ANKS1B: variants seen among roughly 807,000 people sequenced by gnomAD.
The protein encoded by ANKS1B is ankyrin repeat and sterile alpha motif domain containing 1B.
A neutral mutation model predicts 148.3 loss-of-function variants in ANKS1B; 36 were observed. The observed-to-expected ratio is 0.24, with a 90% CI of 0.19 to 0.32. The LOEUF is 0.32. ANKS1B is among the 10% of genes least tolerant of loss of function. The pLI is 1.00. For missense variants in ANKS1B, 1,157 were observed against 1,542.6 expected, an observed-to-expected ratio of 0.75 and a Z score of 4.19; for synonymous variants, 542 against 560.8, an observed-to-expected ratio of 0.97 and a Z score of 0.47.
At chr12:99,388,583 C>T (rs972932306) in intron 12 of ANKS1B, among the ~76,000 whole-genome samples, 2 of 152,216 alleles carry the variant, frequency 1.3e-5, no homozygotes, top group South Asian at 4.2e-4. Flanking sequence ...TATGGCACAA[C>T]GAACTTAGTG....
chr12:99,790,869 C>CA (rs1201438145), intron 4 of ANKS1B, among the ~76,000 whole-genome samples: 2 of 150,972 alleles, frequency 1.3e-5, no homozygotes, highest in Admixed American at 1.3e-4. Context: ...AGCAGACCGC[C>CA]AAAAAAAGAG....
rs780690613 is a variant in ANKS1B at position 99,246,611 on chromosome 12, A to G, written c.2010T>C (p.Ser670=). ...TGCTTTTTTTGTGAAAAATTGTTCTACTGACCACTTTGGGTTTAATTTTCT... is the reference window on the plus strand; with the variant it reads ...TGCTTTTTTTGTGAAAAATTGTTCTGCTGACCACTTTGGGTTTAATTTTCT... ...LVKKIKPKVV[S]RTIFHKKSNQ... is the part of the protein sequence containing the mutation. The change falls in exon 13 of 27, where the codon AGT becomes AGC. Residue 670 remains serine, a synonymous_variant. Transcript: ENST00000683438. 6 of 1,613,380 alleles carry G rather than the reference A, an allele frequency of 3.7e-6. No individual in the cohort carries two copies. The highest frequency in any genetic ancestry group is 5.1e-6 in the Non-Finnish European group (6 of 1,179,660).
chr12:99,122,128 T>C (rs560883255), intron 15 of ANKS1B, among the ~76,000 whole-genome samples: 1 of 152,268 alleles, frequency 6.6e-6, no homozygotes, highest in Admixed American at 6.5e-5. Flanking sequence ...CCTTAAGCCT[T>C]AGGCAAAATG....
At position 98,744,142 on chromosome 12, in the gene ANKS1B, T is replaced by G; in HGVS notation, c.*1597A>C. ...TATACAATTGCCTCCTGGTACCATA[T>G]TTTAGTGTTATTTAACTCTCATTTT... On this transcript the variant is annotated 3_prime_UTR_variant, in exon 27 of 27. Coordinates refer to ENST00000683438, the MANE Select transcript of ANKS1B (RefSeq NM_001352186.2). The G allele has an allele frequency of 1.0e-5, 10 of 985,740 alleles. No homozygotes were observed. Among genetic ancestry groups the G allele is most frequent in the Non-Finnish European group, 1.2e-5 (10 of 829,818 alleles). 61.1% of individuals were successfully genotyped at this position (985,740 alleles called of 1,614,324 possible).
intron 9 of ANKS1B, among the ~76,000 whole-genome samples, chr12:99,640,829 T>G (rs904930716): frequency 6.6e-6 from 1 of 152,210 alleles, no homozygotes; most frequent in Admixed American, 6.5e-5. Flanking sequence ...TTGCAAACTA[T>G]TCTACAGGAA....
intron 9 of ANKS1B, among the ~76,000 whole-genome samples, chr12:99,642,445 T>C (rs1461042200): frequency 6.6e-6 from 1 of 152,200 alleles, no homozygotes; most frequent in Non-Finnish European, 1.5e-5. Flanking sequence ...CTGACAGTTA[T>C]TGGGATCAAA....
chr12:99,057,569 G>T (rs531855529), intron 16 of ANKS1B, among the ~76,000 whole-genome samples: 1 of 152,222 alleles, frequency 6.6e-6, no homozygotes, highest in African/African-American at 2.4e-5. Context: ...ATCTAACGAG[G>T]TCACTCAAGT....
At chr12:99,179,878 C>T (rs560327726) in intron 14 of ANKS1B, among the ~76,000 whole-genome samples, 2 of 152,276 alleles carry the variant, frequency 1.3e-5, no homozygotes, top group East Asian at 1.9e-4. Flanking sequence ...TTATTAGTAT[C>T]ATCAAAATTA....
chr12:99,734,275 T>C (rs2059422001), intron 8 of ANKS1B, among the ~76,000 whole-genome samples: 1 of 152,140 alleles, frequency 6.6e-6, no homozygotes, highest in Non-Finnish European at 1.5e-5. Context: ...TTCCTTTTTT[T>C]CTCTCTACTA....
intron 17 of ANKS1B, among the ~76,000 whole-genome samples, chr12:99,046,418 G>C (rs1387858096): frequency 6.6e-6 from 1 of 152,196 alleles, no homozygotes; most frequent in Non-Finnish European, 1.5e-5. Flanking sequence ...AGAAGACAAA[G>C]ATATTAAACC....
chr12:99,060,373 C>T (rs1212271390), intron 16 of ANKS1B, among the ~76,000 whole-genome samples: 5 of 151,938 alleles, frequency 3.3e-5, no homozygotes, highest in Non-Finnish European at 7.4e-5. Context: ...TTGAGGGGGT[C>T]AGCTACGGGG....
chr12:99,530,405 C>T (rs2153087677), intron 9 of ANKS1B, among the ~76,000 whole-genome samples: 1 of 152,282 alleles, frequency 6.6e-6, no homozygotes, highest in Non-Finnish European at 1.5e-5. Context: ...TCAGTTTCTG[C>T]TCCCAAGTTT....
intron 8 of ANKS1B, among the ~76,000 whole-genome samples, chr12:99,705,623 G>T (rs2055624114): frequency 6.6e-6 from 1 of 152,072 alleles, no homozygotes. Context: ...ACAGAATAAA[G>T]ACATTTGCAT....
chr12:99,816,777 A>G (rs1311076738), intron 2 of ANKS1B, among the ~76,000 whole-genome samples: 1 of 151,724 alleles, frequency 6.6e-6, no homozygotes, highest in Non-Finnish European at 1.5e-5. Context: ...ATATATATCC[A>G]AAGTAATATG....
chr12:98,896,900 A>G (rs2152746277), intron 17 of ANKS1B, among the ~76,000 whole-genome samples: 1 of 152,316 alleles, frequency 6.6e-6, no homozygotes, highest in East Asian at 1.9e-4. Context: ...GACATTTTCC[A>G]GGTCATCATT....
At chr12:99,760,169 C>G (rs1430842744) in intron 8 of ANKS1B, among the ~76,000 whole-genome samples, 1 of 151,608 alleles carries the variant, frequency 6.6e-6, no homozygotes, top group African/African-American at 2.4e-5. Flanking sequence ...CAGTGAAGTC[C>G]ATAAAAATGT....
chr12:99,974,617 A>T (rs1464810697), intron 1 of ANKS1B, among the ~76,000 whole-genome samples: 3 of 152,072 alleles, frequency 2.0e-5, no homozygotes, highest in Non-Finnish European at 4.4e-5. Context: ...CACACCTATA[A>T]TCCCAGAACT....
At chr12:99,792,267 A>C (rs1372962187) in intron 4 of ANKS1B, among the ~76,000 whole-genome samples, 19 of 151,930 alleles carry the variant, frequency 1.3e-4, no homozygotes. Context: ...TCTCCCAGTA[A>C]AGAAAAGTGC....
chr12:98,915,207 G>A (rs931429472), intron 17 of ANKS1B, among the ~76,000 whole-genome samples: 1 of 152,210 alleles, frequency 6.6e-6, no homozygotes, highest in Admixed American at 6.5e-5. Context: ...AGAATGGCAT[G>A]TGAAGAGAAG....
Sources: allele counts gnomAD v4.1 joint callset (sites outside exome capture counted in the v4.1 genomes callset), GRCh38; gene constraint gnomAD v4.1.1; transcripts MANE v1.5; gene names NCBI Gene and HGNC (gene_info 2026-07-23, HGNC 2026-07-21).